Variants in RANBP17 observed in about 807,000 individuals in gnomAD.
RANBP17 encodes RAN binding protein 17.
RANBP17 carries 158 observed loss-of-function variants against 141.2 expected under a neutral mutation model. The ratio of observed to expected loss-of-function variants is 1.12; its 90% confidence interval spans 0.98 to 1.28. RANBP17 has a LOEUF of 1.28. Among genes scored for constraint, RANBP17 ranks in the 50% most tolerant of loss-of-function variants. The pLI is 0.00. For missense variants in RANBP17, 1,438 were observed against 1,290.7 expected, an observed-to-expected ratio of 1.11 and a Z score of -1.75; for synonymous variants, 430 against 450.0, an observed-to-expected ratio of 0.96 and a Z score of 0.56.
intron 24 of RANBP17, among the ~76,000 whole-genome samples, chr5:171,260,160 C>T (rs1766199574): frequency 2.0e-5 from 3 of 150,002 alleles, no homozygotes; most frequent in South Asian, 4.3e-4. Context: ...ATTAGCCGGG[C>T]GTGGTGGCAG....
At chr5:171,229,791 C>T (rs1490964554) in intron 22 of RANBP17, among the ~76,000 whole-genome samples, 5 of 147,800 alleles carry the variant, frequency 3.4e-5, no homozygotes, top group East Asian at 2.0e-4. Flanking sequence ...TCCACCTGGG[C>T]GCAGTGGCTC....
chr5:171,109,559 T>C (rs1000848272), intron 14 of RANBP17, among the ~76,000 whole-genome samples: 5 of 152,238 alleles, frequency 3.3e-5, no homozygotes, highest in African/African-American at 9.6e-5. Context: ...TGGTCACTTA[T>C]ATAGAATGGT....
intron 12 of RANBP17, among the ~76,000 whole-genome samples, chr5:170,936,410 G>A (rs1773885289): frequency 6.6e-6 from 1 of 152,056 alleles, no homozygotes; most frequent in African/African-American, 2.4e-5. Flanking sequence ...CCATCTTGGC[G>A]CCACCAAGCC....
At chr5:171,077,085 A>G (rs1784975147) in intron 14 of RANBP17, among the ~76,000 whole-genome samples, 1 of 152,168 alleles carries the variant, frequency 6.6e-6, no homozygotes, top group African/African-American at 2.4e-5. Flanking sequence ...CACCCCTGTA[A>G]TCCCAGCACT....
chr5:171,080,511 G>A (rs1366206), intron 14 of RANBP17, among the ~76,000 whole-genome samples: 93,166 of 152,062 alleles, frequency 0.61, 29,916 homozygotes, highest in South Asian at 0.89. Context: ...AGCACTTAGC[G>A]TTAGGAGTTT....
intron 14 of RANBP17, among the ~76,000 whole-genome samples, chr5:170,981,618 T>C (rs993524366): frequency 5.3e-5 from 8 of 152,060 alleles, no homozygotes; most frequent in African/African-American, 1.9e-4. Context: ...CTCCTTGCCT[T>C]GTGCCAGGAT....
rs760521280 is a variant in RANBP17, at chr5:171,298,747, T to C, written c.3171-15T>C. 1 of 1,606,772 alleles carries C rather than the reference T, an allele frequency of 6.2e-7. No individual in the cohort carries two copies. The highest frequency in any genetic ancestry group is 1.1e-5 in the South Asian group (1 of 90,882). ...CCTCATTACTACCCTTGACCCTTTC[T>C]TCCTCTTTCTGCAGGTTCACCCAAA... is the stretch of plus-strand genomic sequence containing the variant. On this transcript the variant is annotated splice_polypyrimidine_tract_variant and intron_variant, in intron 27 of 27. Coordinates refer to ENST00000523189, the MANE Select transcript of RANBP17 (RefSeq NM_022897.5).
Position 170,882,323 on chromosome 5 carries a change from G to A in RANBP17, c.256+427G>A, listed in dbSNP as rs371865467. Among the ~76,000 whole-genome samples, 71 of 152,144 alleles carry A rather than the reference G, an allele frequency of 4.7e-4. 1 individual carries two copies. In the South Asian group the frequency reaches 0.013, roughly 27 times the overall value. ...TCTTGATCTCTTGACCTCGTGATCC[G>A]CCCTCCTTGGCCTCCCAAAGTGCCA... is the stretch of plus-strand genomic sequence containing the variant. On this transcript the variant is annotated intron_variant, in intron 3 of 27. Coordinates refer to ENST00000523189, the MANE Select transcript of RANBP17 (RefSeq NM_022897.5).
intron 1 of RANBP17, among the ~76,000 whole-genome samples, chr5:170,869,323 C>CTTTTTT (rs70982310): frequency 8.0e-6 from 1 of 125,478 alleles, no homozygotes; most frequent in Non-Finnish European, 1.6e-5. Flanking sequence ...GCTCACAACA[C>CTTTTTT]TTTTTTTTTT....
chr5:171,158,869 C>T (rs745470468), intron 14 of RANBP17, among the ~76,000 whole-genome samples: 5 of 152,114 alleles, frequency 3.3e-5, no homozygotes, highest in Non-Finnish European at 2.9e-5. Context: ...TCTAACCTTC[C>T]TAAAGATTAA....
At chr5:171,224,068 A>T (rs1763741868) in intron 22 of RANBP17, among the ~76,000 whole-genome samples, 1 of 152,192 alleles carries the variant, frequency 6.6e-6, no homozygotes, top group Admixed American at 6.5e-5. Context: ...CTCGCTGTTT[A>T]TGCCTCTCCT....
At chr5:171,172,505 G>C (rs985329618) in intron 16 of RANBP17, among the ~76,000 whole-genome samples, 2 of 150,212 alleles carry the variant, frequency 1.3e-5, no homozygotes, top group Admixed American at 1.3e-4. Flanking sequence ...TTTAAGATAT[G>C]TATTTTTTCT....
chr5:171,158,478 A>C (rs1236231781), intron 14 of RANBP17: 3 of 186,134 alleles, frequency 1.6e-5, no homozygotes, highest in Non-Finnish European at 3.4e-5. Flanking sequence ...ATTTCCATGG[A>C]AAATCTCCTA....
At chr5:171,073,834 T>G in intron 14 of RANBP17, among the ~76,000 whole-genome samples, 1 of 150,728 alleles carries the variant, frequency 6.6e-6, no homozygotes, top group Non-Finnish European at 1.5e-5. Flanking sequence ...AGTAAGGAGG[T>G]ACTTTTTTTT....
chr5:171,164,970 C>G (rs1256788617), intron 14 of RANBP17, among the ~76,000 whole-genome samples: 2 of 152,132 alleles, frequency 1.3e-5, no homozygotes, highest in African/African-American at 2.4e-5. Context: ...GTGTGAAAAT[C>G]TTCAAAGCAC....
chr5:171,208,404 C>T (rs1003963095), intron 20 of RANBP17, among the ~76,000 whole-genome samples: 1 of 152,102 alleles, frequency 6.6e-6, no homozygotes, highest in African/African-American at 2.4e-5. Context: ...TTCTTTGCCC[C>T]TATGATGGGA....
At chr5:171,201,593 C>T (rs552379434) in intron 19 of RANBP17, among the ~76,000 whole-genome samples, 47 of 152,302 alleles carry the variant, frequency 3.1e-4, no homozygotes, top group African/African-American at 1.1e-3. Flanking sequence ...ATTGGATTAG[C>T]AGTTGGCAGC....
intron 14 of RANBP17, among the ~76,000 whole-genome samples, chr5:170,995,219 T>C (rs1335903255): frequency 1.4e-4 from 21 of 152,144 alleles, no homozygotes; most frequent in Non-Finnish European, 1.0e-4. Flanking sequence ...ATATCTTTTC[T>C]TTAAGATCTT....
At chr5:170,908,116 AT>A (rs1249124777) in intron 5 of RANBP17, among the ~76,000 whole-genome samples, 2 of 151,958 alleles carry the variant, frequency 1.3e-5, no homozygotes, top group East Asian at 3.9e-4. Flanking sequence ...TAGTTTGGAG[AT>A]TTCTCAAAGA....
Sources: gnomAD v4.1 joint callset for allele counts (sites outside exome capture counted in the v4.1 genomes callset) on GRCh38, gnomAD v4.1.1 for gene constraint, MANE v1.5 for transcripts, NCBI Gene and HGNC (gene_info 2026-07-23, HGNC 2026-07-21) for gene names.